Variants in ACVR2B observed in about 807,000 individuals in gnomAD.
The protein encoded by ACVR2B is activin receptor type-2B.
Under a neutral mutation model 65.1 loss-of-function variants are expected in ACVR2B, and 18 were observed. The observed-to-expected ratio is 0.28, with a 90% CI of 0.19 to 0.41. The LOEUF (loss-of-function observed/expected upper bound fraction) is 0.41, where lower values mean the gene tolerates loss of function less well. Among genes scored for constraint, ACVR2B ranks in the 10% least tolerant of loss-of-function variants. The probability of loss-of-function intolerance (pLI) is 1.00; values close to 1 mark genes in which losing one functional copy is unlikely to be tolerated. For synonymous variants in ACVR2B, 298 were observed against 277.7 expected (o/e 1.07, Z -0.73); for missense variants, 482 against 682.7 (o/e 0.71, Z 3.28).
At position 38,486,536 on chromosome 3, in the gene ACVR2B, A is replaced by G. The variant is rs1299743187; in HGVS notation, c.*3204A>G. ...CTCTTTTCCATAATGACTTCATGTG[A>G]CATGCACTTTTGGTGGGCTCAGATA... is the stretch of plus-strand genomic sequence containing the variant. On this transcript the variant is annotated 3_prime_UTR_variant, in exon 11 of 11. Transcript: ENST00000352511. 6.6e-6 allele frequency: 1 copy of G among 152,196 alleles called. No individual in the cohort carries two copies. Among genetic ancestry groups the G allele is most frequent in the Non-Finnish European group, 1.5e-5 (1 of 68,030 alleles). The allele number at this position is 152,196 out of a possible 1,614,324, so 9.4% of individuals were successfully genotyped here.
rs1710048546 is a variant in ACVR2B at position 38,483,179 on chromosome 3, C to T, written c.1386C>T (p.Asp462=). ...GTGTGACCATCGAGGAGTGCTGGGA[C>T]CATGATGCAGAGGCTCGCTTGTCCG... ...QLCVTIEECW[D]HDAEARLSAG... The change falls in exon 11 of 11, where the codon GAC becomes GAT. Residue 462 remains aspartate (D), a synonymous_variant. Transcript: ENST00000352511. This position sits in a 1 kb window ranked among gnomAD's most constrained non-coding sequence, Gnocchi z 4.8. 6.8e-6 allele frequency: 11 copies of T among 1,614,182 alleles called. No homozygotes were observed. Among genetic ancestry groups the T allele is most frequent in the Non-Finnish European group, 9.3e-6 (11 of 1,180,042 alleles).
At position 38,454,301 on chromosome 3, in the gene ACVR2B, G is replaced by C. The variant is rs1709502484; in HGVS notation, c.-22G>C. 17 of 1,266,466 alleles carry C rather than the reference G, an allele frequency of 1.3e-5. No individual in the cohort carries two copies. Among genetic ancestry groups the C allele is most frequent in the South Asian group, 2.8e-5 (1 of 36,108 alleles). 78.5% of individuals were successfully genotyped at this position (1,266,466 alleles called of 1,614,324 possible). Reference sequence around the variant, plus strand: ...GGCCCTGCCCGCGGGCTCCGGGTGTGCGCGGGGCGGCGCCGCGGAACATGA... The same window carrying C: ...GGCCCTGCCCGCGGGCTCCGGGTGTCCGCGGGGCGGCGCCGCGGAACATGA... On this transcript the variant is annotated 5_prime_UTR_variant, in exon 1 of 11. Transcript: ENST00000352511.
rs781437730 is a variant in ACVR2B at position 38,491,852 on chromosome 3, T to A, written c.*8520T>A. On this transcript the variant is annotated 3_prime_UTR_variant, in exon 11 of 11. Transcript: ENST00000352511. ...GGAGAGGGTTACCGCAGAGTAGAAA[T>A]ATATTTCTAGATTTCAGTTCCACAC... 6.6e-6 allele frequency: 1 copy of A among 152,278 alleles called. No individual in the cohort carries two copies. Among genetic ancestry groups the A allele is most frequent in the East Asian group, 1.9e-4 (1 of 5,186 alleles). 9.4% of individuals were successfully genotyped at this position (152,278 alleles called of 1,614,324 possible).
intron 1 of ACVR2B, among the ~76,000 whole-genome samples, chr3:38,470,981 C>T (rs1336815592): frequency 2.6e-5 from 4 of 151,922 alleles, no homozygotes; most frequent in Non-Finnish European, 5.9e-5. Context: ...GTAATGAGAC[C>T]GAACTCTAAT....
rs921162745 is a variant in ACVR2B at position 38,492,372 on chromosome 3, T to G, written c.*9040T>G. 6.6e-6 allele frequency: 1 copy of G among 152,628 alleles called. No homozygotes were observed. The highest frequency in any genetic ancestry group is 1.5e-5 in the Non-Finnish European group (1 of 68,034). The allele number at this position is 152,628 out of a possible 1,614,324, so 9.5% of individuals were successfully genotyped here. ...TAATTAAAAGTTTGGGTTCACCTGT[T>G]TCTCACAGTTTAAAATGATGAGTAA... On this transcript the variant is annotated 3_prime_UTR_variant, in exon 11 of 11. Transcript: ENST00000352511.
At position 38,479,119 on chromosome 3, in the gene ACVR2B, C is replaced by G; in HGVS notation, c.667-9C>G. On this transcript the variant is annotated splice_polypyrimidine_tract_variant and intron_variant, in intron 5 of 10. Coordinates refer to ENST00000352511, the MANE Select transcript of ACVR2B (RefSeq NM_001106.4). ...ACTTGTCCCCCCAACCCCTCGCCCCCGGCCTCAGGACAAGCAGTCGTGGCA... is the reference window on the plus strand; with the variant it reads ...ACTTGTCCCCCCAACCCCTCGCCCCGGGCCTCAGGACAAGCAGTCGTGGCA... 1 of 1,614,048 alleles carries G rather than the reference C, an allele frequency of 6.2e-7. No individual in the cohort carries two copies.
Position 38,477,945 on chromosome 3 carries a change from T to C in ACVR2B, c.345T>C (p.His115=). The part of the protein sequence containing the change: ...EGNFCNERFT[H]LPEAGGPEVT... Reference sequence around the variant, plus strand: ...ACTTCTGCAACGAACGCTTCACTCATTTGCCAGAGGCTGGGGGCCCGGAAG... The same window carrying C: ...ACTTCTGCAACGAACGCTTCACTCACTTGCCAGAGGCTGGGGGCCCGGAAG... Residue 115 remains histidine, a synonymous_variant, in exon 3 of 11, where the codon CAT becomes CAC. Coordinates refer to ENST00000352511, the MANE Select transcript of ACVR2B (RefSeq NM_001106.4). This position sits in a 1 kb window ranked among gnomAD's most constrained non-coding sequence, Gnocchi z 6.7. The C allele has an allele frequency of 6.2e-7, 1 of 1,614,018 alleles. No homozygotes were observed. Among genetic ancestry groups the C allele is most frequent in the Non-Finnish European group, 8.5e-7 (1 of 1,179,988 alleles).
chr3:38,454,260 C>T lies in ACVR2B; in HGVS notation c.-63C>T. ...GCAGCCGCCGCCTGGCCCTGCGCGC[C>T]CCGGGAGCGCCGTGCGGCCCTGCCC... On this transcript the variant is annotated 5_prime_UTR_variant, in exon 1 of 11. Coordinates refer to ENST00000352511, the MANE Select transcript of ACVR2B (RefSeq NM_001106.4). 5.1e-6 allele frequency: 6 copies of T among 1,175,976 alleles called. No homozygotes were observed. The highest frequency in any genetic ancestry group is 6.3e-6 in the Non-Finnish European group (6 of 948,530). The allele number at this position is 1,175,976 out of a possible 1,614,324, so 72.8% of individuals were successfully genotyped here.
In ACVR2B at chr3:38,479,792, C is replaced by T. The variant is rs769170500; in HGVS notation, c.925C>T (p.Arg309Cys). The T allele has an allele frequency of 1.9e-5, 30 of 1,614,088 alleles. No individual in the cohort carries two copies. The highest frequency in any genetic ancestry group is 5.5e-5 in the South Asian group (5 of 91,080). The change falls in exon 7 of 11, where the codon CGT (arginine) becomes TGT (cysteine). Residue 309 changes from arginine to cysteine, a missense_variant. This residue lies in a region of ACVR2B where 223 missense variants were observed against 386.3 expected (regional missense o/e 0.58). Transcript: ENST00000352511. ...SYLHEDVPWCRGEGHKPSIAH... is the reference protein window; with the variant it reads ...SYLHEDVPWCCGEGHKPSIAH... ...CCTGCATGAGGATGTGCCCTGGTGC[C>T]GTGGCGAGGGCCACAAGCCGTCTAT...
intron 1 of ACVR2B, chr3:38,459,504 C>T (rs766238723): frequency 2.1e-5 from 17 of 816,534 alleles, no homozygotes; most frequent in Non-Finnish European, 2.5e-5. Flanking sequence ...CTCTGCTCAC[C>T]TGGGGGCCTC....
intron 1 of ACVR2B, among the ~76,000 whole-genome samples, chr3:38,467,862 A>G (rs1479787963): frequency 6.6e-6 from 1 of 152,200 alleles, no homozygotes; most frequent in Non-Finnish European, 1.5e-5. Context: ...AATATTTCTA[A>G]TAAATATATG....
intron 1 of ACVR2B, chr3:38,475,485 G>A (rs1357420249): frequency 6.6e-6 from 1 of 152,238 alleles, no homozygotes; most frequent in Non-Finnish European, 1.5e-5. Flanking sequence ...GGACCCTTAG[G>A]TGCTACCTGG....
At chr3:38,482,664 T>TCTGCGA in intron 10 of ACVR2B, 104 bp downstream of exon 10, 4 of 1,497,408 alleles carry the variant, frequency 2.7e-6, no homozygotes, top group Non-Finnish European at 3.6e-6. Flanking sequence ...AAATAGAAAG[T>TCTGCGA]CTGCGACGTT....
At position 38,488,377 on chromosome 3, in the gene ACVR2B, A is replaced by G. The variant is rs1301640309; in HGVS notation, c.*5045A>G. ...ATCCCAAACCTTTAGAAGATTGGAA[A>G]AGATTTTTGAAATAATGATTTAGTT... On this transcript the variant is annotated 3_prime_UTR_variant, in exon 11 of 11. Transcript: ENST00000352511. The G allele has an allele frequency of 1.3e-5, 2 of 152,224 alleles. No individual in the cohort carries two copies. The highest frequency in any genetic ancestry group is 2.9e-5 in the Non-Finnish European group (2 of 68,036). 9.4% of individuals were successfully genotyped at this position (152,224 alleles called of 1,614,324 possible). A position where few individuals can be genotyped will look rare whatever the true frequency, so the allele number is the denominator to read the frequency against.
chr3:38,467,206 G>A (rs944567210), intron 1 of ACVR2B, among the ~76,000 whole-genome samples: 1 of 152,154 alleles, frequency 6.6e-6, no homozygotes, highest in African/African-American at 2.4e-5. Context: ...CAAACACTTC[G>A]GGAGGCTGAG....
intron 1 of ACVR2B, among the ~76,000 whole-genome samples, chr3:38,463,744 G>A (rs374122723): frequency 3.9e-5 from 6 of 152,146 alleles, no homozygotes; most frequent in African/African-American, 1.2e-4. Flanking sequence ...TATGATGTGC[G>A]CTGTTTGTGT....
At chr3:38,472,583 C>T (rs1225145715) in intron 1 of ACVR2B, among the ~76,000 whole-genome samples, 1 of 152,068 alleles carries the variant, frequency 6.6e-6, no homozygotes, top group Non-Finnish European at 1.5e-5. Flanking sequence ...ACAGTGCCCA[C>T]AAGGGTGGGG....
chr3:38,459,672 G>A, intron 1 of ACVR2B: 2 of 985,412 alleles, frequency 2.0e-6, no homozygotes, highest in Non-Finnish European at 2.4e-6. Flanking sequence ...AGGGCAGGTG[G>A]GCAGCCTCTC....
rs1429244094 is a variant in ACVR2B at position 38,478,504 on chromosome 3, A to G, written c.652A>G (p.Ile218Val). 6.2e-7 allele frequency: 1 copy of G among 1,613,932 alleles called. No homozygotes were observed. Among genetic ancestry groups the G allele is most frequent in the African/African-American group, 1.3e-5 (1 of 74,872 alleles). The stretch of plus-strand genomic sequence containing the variant: ...CATGAATGACTTTGTAGCTGTCAAG[A>G]TCTTCCCACTCCAGGTGAGTGTTTG... Reference protein sequence around the residue: ...QLMNDFVAVKIFPLQDKQSWQ... With the variant: ...QLMNDFVAVKVFPLQDKQSWQ... The change falls in exon 5 of 11, where the codon ATC becomes GTC. Residue 218 changes from isoleucine (I) to valine (V), a missense_variant. Ile to Val is a conservative substitution (Grantham distance 29). This residue lies in a region of ACVR2B where 223 missense variants were observed against 386.3 expected (regional missense o/e 0.58). Coordinates refer to ENST00000352511, the MANE Select transcript of ACVR2B (RefSeq NM_001106.4).
Sources: allele counts gnomAD v4.1 joint callset (sites outside exome capture counted in the v4.1 genomes callset), GRCh38; gene constraint gnomAD v4.1.1; regional missense constraint gnomAD v4.1.1; non-coding constraint Gnocchi (gnomAD v3.1); transcripts MANE v1.5; gene names NCBI Gene and HGNC (gene_info 2026-07-23, HGNC 2026-07-21).